RBFOX1: variants seen among roughly 807,000 people sequenced by gnomAD.
The protein encoded by RBFOX1 is RNA binding protein fox-1 homolog 1.
A neutral mutation model predicts 57.7 loss-of-function variants in RBFOX1; 8 were observed. That is an observed-to-expected ratio of 0.14 (90% CI 0.08 to 0.25). The LOEUF is 0.25. Among genes scored for constraint, RBFOX1 ranks in the 10% least tolerant of loss-of-function variants. RBFOX1 has a pLI of 1.00. For synonymous variants in RBFOX1, 326 were observed against 222.4 expected, an observed-to-expected ratio of 1.47 and a Z score of -4.15; for missense variants, 611 against 548.5, an observed-to-expected ratio of 1.11 and a Z score of -1.14.
chr16:6,857,803 A>G (rs1211369418), intron 3 of RBFOX1, among the ~76,000 whole-genome samples: 3 of 152,284 alleles, frequency 2.0e-5, no homozygotes, highest in South Asian at 2.1e-4. Context: ...CTTTAGCCCA[A>G]GCAGTGCCTG....
At chr16:7,325,448 G>A (rs2096598879) in intron 4 of RBFOX1, among the ~76,000 whole-genome samples, 1 of 152,188 alleles carries the variant, frequency 6.6e-6, no homozygotes. Flanking sequence ...GTAAGAAGTT[G>A]CCAGGAGGTG....
chr16:5,366,643 G>T, intron 1 of RBFOX1: 1 of 428,870 alleles, frequency 2.3e-6, no homozygotes, highest in South Asian at 1.9e-5. Context: ...CTGGATGACT[G>T]ACCAGGAGGC....
intron 4 of RBFOX1, among the ~76,000 whole-genome samples, chr16:7,195,409 G>C (rs558417831): frequency 6.6e-6 from 1 of 152,268 alleles, no homozygotes; most frequent in East Asian, 1.9e-4. Context: ...ATTGAGAGGA[G>C]GTGATCATTA....
intron 4 of RBFOX1, among the ~76,000 whole-genome samples, chr16:7,193,122 T>C (rs1237069805): frequency 6.6e-6 from 1 of 152,212 alleles, no homozygotes; most frequent in East Asian, 1.9e-4. Flanking sequence ...TCGGTTGGCC[T>C]TGAGATAGGC....
intron 4 of RBFOX1, among the ~76,000 whole-genome samples, chr16:7,221,469 C>T (rs542854334): frequency 3.9e-5 from 6 of 152,062 alleles, no homozygotes; most frequent in Admixed American, 6.5e-5. Context: ...CAGGTTCAGG[C>T]GATTCTCCTG....
chr16:7,643,736 C>G (rs2063240766), intron 11 of RBFOX1, among the ~76,000 whole-genome samples: 2 of 152,214 alleles, frequency 1.3e-5, no homozygotes, highest in South Asian at 4.1e-4. Context: ...TGCCTTTGAA[C>G]TCTTACCAGG....
At chr16:5,376,496 C>T (rs1376096682) in intron 1 of RBFOX1, among the ~76,000 whole-genome samples, 1 of 152,024 alleles carries the variant, frequency 6.6e-6, no homozygotes, top group African/African-American at 2.4e-5. Flanking sequence ...GGATGGAGAC[C>T]AGGGATGAGC....
chr16:6,906,689 A>G (rs1283546327), intron 3 of RBFOX1, among the ~76,000 whole-genome samples: 1 of 151,322 alleles, frequency 6.6e-6, no homozygotes, highest in African/African-American at 2.4e-5. Flanking sequence ...CCTAGTTCAG[A>G]GCAGACTGGG....
At chr16:5,945,104 G>A (rs2059374322) in intron 4 of RBFOX1, among the ~76,000 whole-genome samples, 1 of 151,952 alleles carries the variant, frequency 6.6e-6, no homozygotes, top group Non-Finnish European at 1.5e-5. Context: ...GGACTGCCGG[G>A]CACTCCCTGG....
At chr16:6,622,363 G>C (rs538850982) in intron 2 of RBFOX1, among the ~76,000 whole-genome samples, 4 of 152,228 alleles carry the variant, frequency 2.6e-5, no homozygotes, top group Middle Eastern at 3.4e-3. Context: ...TCTATGTATA[G>C]ATAGATTTAG....
intron 4 of RBFOX1, among the ~76,000 whole-genome samples, chr16:7,461,351 G>T (rs1052199552): frequency 1.3e-5 from 2 of 152,000 alleles, no homozygotes; most frequent in Admixed American, 1.3e-4. Context: ...TATTTTTAGT[G>T]AAGATGGGGT....
At chr16:6,907,268 C>T (rs138191627) in intron 3 of RBFOX1, among the ~76,000 whole-genome samples, 1 of 152,150 alleles carries the variant, frequency 6.6e-6, no homozygotes, top group Non-Finnish European at 1.5e-5. Context: ...GTTTGTAGTG[C>T]TGACAGTGAG....
At chr16:5,573,429 C>G (rs1231859874) in intron 2 of RBFOX1, among the ~76,000 whole-genome samples, 1 of 152,178 alleles carries the variant, frequency 6.6e-6, no homozygotes, top group African/African-American at 2.4e-5. Context: ...TCCTGGACCC[C>G]CACCTGAATA....
intron 10 of RBFOX1, among the ~76,000 whole-genome samples, chr16:7,624,461 C>G (rs1276753238): frequency 1.3e-5 from 2 of 152,176 alleles, no homozygotes; most frequent in African/African-American, 4.8e-5. Flanking sequence ...ACATTTGTTA[C>G]TGAACCTATG....
At chr16:6,546,261 G>A (rs2096893893) in intron 2 of RBFOX1, among the ~76,000 whole-genome samples, 2 of 152,158 alleles carry the variant, frequency 1.3e-5, no homozygotes, top group South Asian at 4.1e-4. Context: ...CATATCGCCT[G>A]TCAGACTTTG....
At chr16:5,780,032 C>A (rs1163871900) in intron 3 of RBFOX1, among the ~76,000 whole-genome samples, 4 of 152,210 alleles carry the variant, frequency 2.6e-5, no homozygotes, top group African/African-American at 9.6e-5. Context: ...AAGACGGAGT[C>A]TTGCTGTGTC....
intron 3 of RBFOX1, among the ~76,000 whole-genome samples, chr16:7,029,081 T>TACACAC (rs71147635): frequency 1.0e-4 from 5 of 47,944 alleles, no homozygotes; most frequent in African/African-American, 5.0e-4. Context: ...TATATATATA[T>TACACAC]ACACACACAC....
At chr16:6,377,901 T>C (rs2091373915) in intron 2 of RBFOX1, among the ~76,000 whole-genome samples, 1 of 152,190 alleles carries the variant, frequency 6.6e-6, no homozygotes, top group African/African-American at 2.4e-5. Context: ...GGGAAAACTC[T>C]GCCCCACTCC....
At chr16:6,824,276 G>C (rs1329737195) in intron 3 of RBFOX1, among the ~76,000 whole-genome samples, 2 of 152,134 alleles carry the variant, frequency 1.3e-5, no homozygotes, top group African/African-American at 4.8e-5. Flanking sequence ...GTGGTGGTTG[G>C]TACCTGTAAT....
Sources: allele counts gnomAD v4.1 joint callset (sites outside exome capture counted in the v4.1 genomes callset), GRCh38; gene constraint gnomAD v4.1.1; transcripts MANE v1.5; gene names NCBI Gene and HGNC (gene_info 2026-07-23, HGNC 2026-07-21).